The following PDGFRL variants were observed in gnomAD, a reference collection of about 807,000 sequenced individuals.
PDGFRL encodes platelet derived growth factor receptor like, also known as platelet-derived growth factor receptor-like protein.
A neutral mutation model predicts 37.2 loss-of-function variants in PDGFRL; 46 were observed. The observed-to-expected ratio is 1.24, with a 90% confidence interval of 0.98 to 1.58. The LOEUF (loss-of-function observed/expected upper bound fraction) is 1.58. Among genes scored for constraint, PDGFRL ranks in the 40% most tolerant of loss-of-function variants. The pLI is 0.00. For synonymous variants in PDGFRL, 251 were observed against 184.3 expected (o/e 1.36, Z -2.93); for missense variants, 692 against 467.6 (o/e 1.48, Z -4.43).
intron 2 of PDGFRL, among the ~76,000 whole-genome samples, chr8:17,592,463 G>A (rs530445223): frequency 3.2e-4 from 48 of 152,246 alleles, no homozygotes; most frequent in Middle Eastern, 3.4e-3. Flanking sequence ...CTCACCACTC[G>A]GTGGATGCCC....
At chr8:17,577,875 G>A (rs1272923210) in intron 1 of PDGFRL, among the ~76,000 whole-genome samples, 1 of 151,684 alleles carries the variant, frequency 6.6e-6, no homozygotes, top group African/African-American at 2.4e-5. Flanking sequence ...ACTTCAAAAC[G>A]AATCAAAAGC....
intron 2 of PDGFRL, among the ~76,000 whole-genome samples, chr8:17,597,986 C>G (rs1804089543): frequency 9.8e-6 from 1 of 102,326 alleles, no homozygotes; most frequent in Admixed American, 1.2e-4. Flanking sequence ...GTGTTCTTAC[C>G]TAGTTCCCAG....
At chr8:17,624,026 A>G (rs1437978318) in intron 3 of PDGFRL, among the ~76,000 whole-genome samples, 2 of 152,116 alleles carry the variant, frequency 1.3e-5, no homozygotes, top group Non-Finnish European at 2.9e-5. Context: ...ATGCTGTAAC[A>G]CATTTGACCT....
chr8:17,635,291 C>A (rs926669540), intron 5 of PDGFRL, among the ~76,000 whole-genome samples: 2 of 152,132 alleles, frequency 1.3e-5, no homozygotes, highest in Admixed American at 6.5e-5. Flanking sequence ...ACCCCTCCCC[C>A]CAACCCTTTC....
intron 4 of PDGFRL, among the ~76,000 whole-genome samples, chr8:17,629,317 C>G (rs1025962396): frequency 6.6e-6 from 1 of 151,990 alleles, no homozygotes; most frequent in Non-Finnish European, 1.5e-5. Context: ...TGACCGAAAA[C>G]CCCTCTTCTC....
intron 2 of PDGFRL, among the ~76,000 whole-genome samples, chr8:17,601,692 T>A (rs1804169766): frequency 6.6e-6 from 1 of 152,102 alleles, no homozygotes; most frequent in Non-Finnish European, 1.5e-5. Flanking sequence ...AATGGTTAGC[T>A]CCCCTTTAAA....
intron 3 of PDGFRL, among the ~76,000 whole-genome samples, chr8:17,623,200 G>A (rs1804665777): frequency 6.6e-6 from 1 of 152,198 alleles, no homozygotes; most frequent in Admixed American, 6.5e-5. Context: ...TTCTGACCCA[G>A]GATCCAGTGT....
intron 2 of PDGFRL, among the ~76,000 whole-genome samples, chr8:17,598,159 A>G (rs915163694): frequency 1.3e-5 from 2 of 152,248 alleles, no homozygotes; most frequent in Admixed American, 6.5e-5. Flanking sequence ...GTGAGAATAA[A>G]GACAAAGAAT....
At chr8:17,616,819 G>A (rs1804539553) in intron 2 of PDGFRL, among the ~76,000 whole-genome samples, 2 of 152,148 alleles carry the variant, frequency 1.3e-5, no homozygotes, top group East Asian at 1.9e-4. Flanking sequence ...CTAAGTATGT[G>A]TGGGTATAAT....
chr8:17,601,461 T>G (rs567335468), intron 2 of PDGFRL, among the ~76,000 whole-genome samples: 39 of 152,246 alleles, frequency 2.6e-4, no homozygotes, highest in Middle Eastern at 3.4e-3. Flanking sequence ...TTTTGTTTTT[T>G]TTTTTTTCCT....
At chr8:17,629,525 A>T (rs2129806853) in intron 4 of PDGFRL, among the ~76,000 whole-genome samples, 1 of 152,068 alleles carries the variant, frequency 6.6e-6, no homozygotes, top group African/African-American at 2.4e-5. Context: ...GCCAACCCTC[A>T]TTCTCTGCCC....
chr8:17,610,933 G>T (rs1422202136), intron 2 of PDGFRL, among the ~76,000 whole-genome samples: 1 of 152,158 alleles, frequency 6.6e-6, no homozygotes, highest in Admixed American at 6.5e-5. Flanking sequence ...GAGAATTGAT[G>T]ATTTCGTTGT....
At chr8:17,588,560 C>G (rs1803866459) in intron 1 of PDGFRL, among the ~76,000 whole-genome samples, 1 of 152,084 alleles carries the variant, frequency 6.6e-6, no homozygotes, top group African/African-American at 2.4e-5. Flanking sequence ...GTAGGCCTAG[C>G]TACTCAGGAG....
chr8:17,632,690 C>T (rs577101659), intron 4 of PDGFRL, among the ~76,000 whole-genome samples: 1 of 152,306 alleles, frequency 6.6e-6, no homozygotes, highest in South Asian at 2.1e-4. Context: ...GAAACAAAGT[C>T]CAAATCCTTT....
chr8:17,626,229 A>C (rs1244628563), intron 3 of PDGFRL, among the ~76,000 whole-genome samples: 1 of 152,180 alleles, frequency 6.6e-6, no homozygotes, highest in African/African-American at 2.4e-5. Context: ...TGAGGAAATA[A>C]AATAATGCCT....
intron 2 of PDGFRL, among the ~76,000 whole-genome samples, chr8:17,620,258 C>G (rs1054839877): frequency 7.2e-5 from 11 of 152,178 alleles, no homozygotes; most frequent in African/African-American, 2.7e-4. Context: ...CACTGCCAAA[C>G]ACATTCTTTT....
chr8:17,637,750 G>T (rs1318865113), intron 5 of PDGFRL, among the ~76,000 whole-genome samples: 1 of 152,120 alleles, frequency 6.6e-6, no homozygotes, highest in African/African-American at 2.4e-5. Flanking sequence ...CTCACTGCTT[G>T]TTATTGGTCT....
At chr8:17,629,042 T>G (rs1474120294) in intron 4 of PDGFRL, among the ~76,000 whole-genome samples, 1 of 150,930 alleles carries the variant, frequency 6.6e-6, no homozygotes, top group African/African-American at 2.4e-5. Context: ...CTTAGCCTCC[T>G]GAGTAGCTGG....
chr8:17,639,546 G>T (rs1157985248), intron 5 of PDGFRL, among the ~76,000 whole-genome samples: 1 of 152,068 alleles, frequency 6.6e-6, no homozygotes, highest in Non-Finnish European at 1.5e-5. Context: ...GCTTAGTTTT[G>T]CTGTACACAA....
Sources: gnomAD v4.1 joint callset for allele counts (sites outside exome capture counted in the v4.1 genomes callset) on GRCh38, gnomAD v4.1.1 for gene constraint, MANE v1.5 for transcripts, NCBI Gene and HGNC (gene_info 2026-07-23, HGNC 2026-07-21) for gene names.